The following CARMIL1 variants were observed in gnomAD, a reference collection of about 807,000 sequenced individuals.
The protein encoded by CARMIL1 is capping protein regulator and myosin 1 linker 1.
Under a neutral mutation model 177.1 loss-of-function variants are expected in CARMIL1, and 90 were observed. The observed-to-expected ratio is 0.51, with a 90% confidence interval of 0.43 to 0.61. The LOEUF is 0.61. Among genes scored for constraint, CARMIL1 ranks in the 20% least tolerant of loss-of-function variants. CARMIL1 has a pLI of 0.00. For missense variants in CARMIL1, 1,380 were observed against 1,667.0 expected (o/e 0.83, Z 3.00); for synonymous variants, 577 against 606.2 (o/e 0.95, Z 0.71).
intron 2 of CARMIL1, among the ~76,000 whole-genome samples, chr6:25,394,003 A>G (rs190513858): frequency 3.7e-4 from 57 of 152,140 alleles, no homozygotes; most frequent in African/African-American, 1.3e-3. Context: ...TTCTTTTGCC[A>G]TTTTCTTATG....
intron 2 of CARMIL1, among the ~76,000 whole-genome samples, chr6:25,340,778 T>A (rs1222554992): frequency 9.6e-5 from 1 of 10,430 alleles, no homozygotes; most frequent in Admixed American, 1.1e-3. Context: ...TCAATGAAGG[T>A]TTTTTTTTTT....
chr6:25,463,373 A>C lies in CARMIL1; in HGVS notation c.615-2500A>C, dbSNP rs914470994. On this transcript the variant is annotated intron_variant, in intron 8 of 36. Transcript: ENST00000329474. Reference sequence around the variant, plus strand: ...TACCTTAAAAATTTAATATTGAACCATAAGCATTTTTGGTGTTGAGTATTG... The same window carrying C: ...TACCTTAAAAATTTAATATTGAACCCTAAGCATTTTTGGTGTTGAGTATTG... Among the ~76,000 whole-genome samples the C allele has an allele frequency of 1.4e-4, 22 of 152,344 alleles. No individual in the cohort carries two copies. In the East Asian group the frequency reaches 4.0e-3, roughly 28 times the overall value.
chr6:25,430,354 G>T (rs968436569), intron 4 of CARMIL1, among the ~76,000 whole-genome samples: 5 of 150,380 alleles, frequency 3.3e-5, no homozygotes, highest in African/African-American at 9.8e-5. Context: ...TGTTGAGATG[G>T]TATTAATTTT....
chr6:25,472,172 A>T (rs549400971), intron 10 of CARMIL1, among the ~76,000 whole-genome samples: 3 of 152,054 alleles, frequency 2.0e-5, no homozygotes, highest in Non-Finnish European at 4.4e-5. Flanking sequence ...TTAATAGCAC[A>T]CAACAGAGTG....
At chr6:25,404,630 C>A (rs1468859239) in intron 2 of CARMIL1, among the ~76,000 whole-genome samples, 2 of 152,078 alleles carry the variant, frequency 1.3e-5, no homozygotes, top group African/African-American at 4.8e-5. Flanking sequence ...GTGGCACACA[C>A]CTGTAGTCCC....
chr6:25,287,186 C>A (rs79796251), intron 2 of CARMIL1, among the ~76,000 whole-genome samples: 3,609 of 152,344 alleles, frequency 0.024, 62 homozygotes, highest in Non-Finnish European at 0.038. Flanking sequence ...TGTTAGCCTA[C>A]TAAAATGGTT....
chr6:25,470,409 AT>A (rs566978063), intron 9 of CARMIL1, among the ~76,000 whole-genome samples: 58 of 152,380 alleles, frequency 3.8e-4, no homozygotes, highest in African/African-American at 1.2e-3. Context: ...CATCATTATC[AT>A]AATCACTAAC....
At chr6:25,409,277 C>A (rs1794694892) in intron 2 of CARMIL1, among the ~76,000 whole-genome samples, 1 of 152,190 alleles carries the variant, frequency 6.6e-6, no homozygotes, top group South Asian at 2.1e-4. Context: ...AGCAAGTTTG[C>A]ACACTGTCTC....
chr6:25,309,516 C>T lies in CARMIL1; in HGVS notation c.138+24607C>T, dbSNP rs894096030. Among the ~76,000 whole-genome samples the T allele has an allele frequency of 9.3e-5, 14 of 150,980 alleles. 1 individual carries two copies. The highest frequency in any genetic ancestry group is 4.0e-4 in the Admixed American group (6 of 15,156). On this transcript the variant is annotated intron_variant, in intron 2 of 36. Transcript: ENST00000329474. ...TTAACCCCAAAAAGAAACCTCTTCC[C>T]TTTAACACTTATCCCCAGTCCACCT... is the stretch of plus-strand genomic sequence containing the variant.
At position 25,520,309 on chromosome 6, in the gene CARMIL1, C is replaced by A. The variant is rs775649490; in HGVS notation, c.1940C>A (p.Pro647His). The part of the protein sequence containing the change: ...YDASQALKTN[P>H]EKTEDALQKI... ...GCTTCTCAAGCCCTAAAAACAAACC[C>A]TGAAAAAACAGAAGACGCTCTGCAA... The change falls in exon 23 of 37, where the codon CCT (proline) becomes CAT (histidine). Residue 647 changes from proline to histidine, a missense_variant. Physicochemically the swap from Pro to His is moderately conservative, Grantham distance 77. Coordinates refer to ENST00000329474, the MANE Select transcript of CARMIL1 (RefSeq NM_017640.6). 1 of 1,559,238 alleles carries A rather than the reference C, an allele frequency of 6.4e-7. No homozygotes were observed. The highest frequency in any genetic ancestry group is 2.4e-5 in the East Asian group (1 of 42,250).
intron 8 of CARMIL1, among the ~76,000 whole-genome samples, chr6:25,461,882 C>G (rs77117142): frequency 2.0e-5 from 3 of 151,942 alleles, no homozygotes; most frequent in Non-Finnish European, 4.4e-5. Flanking sequence ...TTTTTTAAAC[C>G]GTGCATCTCT....
At chr6:25,380,841 T>C (rs185126402) in intron 2 of CARMIL1, among the ~76,000 whole-genome samples, 5 of 150,052 alleles carry the variant, frequency 3.3e-5, no homozygotes, top group African/African-American at 1.2e-4. Context: ...TACTCTTTTT[T>C]GCCAGATGTG....
At chr6:25,544,641 A>ACACC (rs1554221099) in intron 26 of CARMIL1, among the ~76,000 whole-genome samples, 74 of 143,988 alleles carry the variant, frequency 5.1e-4, no homozygotes, top group African/African-American at 1.7e-3. Flanking sequence ...ACACACACAC[A>ACACC]CACACCCCAA....
intron 8 of CARMIL1, among the ~76,000 whole-genome samples, chr6:25,455,186 T>C (rs1799378965): frequency 6.6e-6 from 1 of 152,198 alleles, no homozygotes; most frequent in African/African-American, 2.4e-5. Flanking sequence ...AATTAGATTC[T>C]GCATGCATTT....
At chr6:25,458,500 A>AG (rs1399503049) in intron 8 of CARMIL1, among the ~76,000 whole-genome samples, 1 of 151,858 alleles carries the variant, frequency 6.6e-6, no homozygotes, top group Non-Finnish European at 1.5e-5. Context: ...AAAAAAAAAA[A>AG]AAAAAAAAGC....
At chr6:25,283,312 G>A (rs1304237759) in intron 1 of CARMIL1, among the ~76,000 whole-genome samples, 1 of 152,180 alleles carries the variant, frequency 6.6e-6, no homozygotes, top group Non-Finnish European at 1.5e-5. Flanking sequence ...CTGTGGTTAT[G>A]GAGGTGACAG....
chr6:25,492,149 A>G (rs929777839), intron 15 of CARMIL1, 125 bp downstream of exon 15: 10 of 705,638 alleles, frequency 1.4e-5, no homozygotes, highest in African/African-American at 1.3e-4. Context: ...CTTAAGCATT[A>G]TCTATGAATA....
intron 26 of CARMIL1, among the ~76,000 whole-genome samples, chr6:25,548,330 C>T (rs1397394072): frequency 2.0e-5 from 3 of 152,122 alleles, no homozygotes; most frequent in South Asian, 4.1e-4. Context: ...TACCATTCTT[C>T]ACAGTAAAGA....
chr6:25,315,079 A>G (rs1784162810), intron 2 of CARMIL1, among the ~76,000 whole-genome samples: 1 of 152,160 alleles, frequency 6.6e-6, no homozygotes, highest in Admixed American at 6.5e-5. Flanking sequence ...AACTGTGTGA[A>G]GCGGGTCCTA....
Sources: allele counts gnomAD v4.1 joint callset (sites outside exome capture counted in the v4.1 genomes callset), GRCh38; gene constraint gnomAD v4.1.1; transcripts MANE v1.5; gene names NCBI Gene and HGNC (gene_info 2026-07-23, HGNC 2026-07-21).